Variants in PDS5A observed in about 807,000 individuals in gnomAD.
PDS5A encodes sister chromatid cohesion protein PDS5 homolog A.
In PDS5A, 42 loss-of-function variants were observed where a neutral mutation model predicts 167.1. The ratio of observed to expected loss-of-function variants is 0.25; its 90% confidence interval spans 0.20 to 0.33. The LOEUF is 0.33. PDS5A is among the 10% of genes least tolerant of loss of function. The probability of loss-of-function intolerance (pLI) is 1.00; values close to 1 mark genes in which losing one functional copy is unlikely to be tolerated. For synonymous variants in PDS5A, 553 were observed against 554.6 expected, an observed-to-expected ratio of 1.00 and a Z score of 0.04; for missense variants, 1,033 against 1,605.9, an observed-to-expected ratio of 0.64 and a Z score of 6.10.
In PDS5A at chr4:39,907,590, CT is replaced by C. The variant is rs71194936; in HGVS notation, c.1233+804del. On this transcript the variant is annotated intron_variant, in intron 11 of 32. Coordinates refer to ENST00000303538, the MANE Select transcript of PDS5A (RefSeq NM_001100399.2). ...AACAATCCATGTTTTCTTTTCTTTTCTTTTTTTTTTTTTTGAGACAGAGTCT... is the reference window on the plus strand; with the variant it reads ...AACAATCCATGTTTTCTTTTCTTTTCTTTTTTTTTTTTTGAGACAGAGTCT... 3.5e-3 allele frequency among the ~76,000 whole-genome samples: 493 copies of C among 141,692 alleles called. 1 individual carries two copies. Among genetic ancestry groups the C allele is most frequent in the African/African-American group, 5.9e-3 (228 of 38,856 alleles). 93.0% of individuals were successfully genotyped at this position (141,692 alleles called of 152,430 possible). A position where few individuals can be genotyped will look rare whatever the true frequency, so the allele number is the denominator to read the frequency against.
At chr4:39,912,953 T>C (rs748133798) in intron 9 of PDS5A, among the ~76,000 whole-genome samples, 1 of 152,294 alleles carries the variant, frequency 6.6e-6, no homozygotes, top group South Asian at 2.1e-4. Flanking sequence ...CGACAAGCAC[T>C]AGTAAATGAA....
intron 21 of PDS5A, 95 bp downstream of exon 21, chr4:39,872,891 A>T: frequency 3.2e-6 from 2 of 622,474 alleles, no homozygotes; most frequent in South Asian, 5.7e-5. Flanking sequence ...ATTTAAAAGA[A>T]AAAGAGAATT....
intron 9 of PDS5A, among the ~76,000 whole-genome samples, chr4:39,913,012 A>G (rs1195441196): frequency 2.0e-5 from 3 of 152,192 alleles, no homozygotes; most frequent in South Asian, 2.1e-4. Context: ...TTGGATCAGT[A>G]TGTATTCAGT....
intron 17 of PDS5A, among the ~76,000 whole-genome samples, chr4:39,887,506 T>C (rs1721577167): frequency 6.6e-6 from 1 of 152,184 alleles, no homozygotes; most frequent in African/African-American, 2.4e-5. Context: ...TGAAAGCAGG[T>C]TGCTAGTATT....
chr4:39,844,535 T>C (rs1717404057), intron 30 of PDS5A, 121 bp downstream of exon 30: 3 of 661,870 alleles, frequency 4.5e-6, no homozygotes, highest in Middle Eastern at 3.0e-4. Context: ...AATTCATCAA[T>C]ATTATTTTGT....
At chr4:39,965,137 A>C (rs542023079) in intron 2 of PDS5A, among the ~76,000 whole-genome samples, 1 of 152,186 alleles carries the variant, frequency 6.6e-6, no homozygotes, top group East Asian at 1.9e-4. Flanking sequence ...TCTTTTAACC[A>C]ATAGAGTAAG....
chr4:39,911,639 T>C (rs778881348), intron 9 of PDS5A, among the ~76,000 whole-genome samples: 45 of 152,144 alleles, frequency 3.0e-4, no homozygotes, highest in Non-Finnish European at 1.0e-4. Flanking sequence ...AAGACCATCC[T>C]GGCTAACACG....
At chr4:39,930,909 A>C (rs562157838) in intron 2 of PDS5A, among the ~76,000 whole-genome samples, 30 of 152,244 alleles carry the variant, frequency 2.0e-4, no homozygotes, top group Non-Finnish European at 3.8e-4. Flanking sequence ...GGAAATTTAT[A>C]ATCTTAAATG....
intron 8 of PDS5A, among the ~76,000 whole-genome samples, chr4:39,916,091 G>A (rs1724346345): frequency 6.6e-6 from 1 of 151,960 alleles, no homozygotes; most frequent in African/African-American, 2.4e-5. Flanking sequence ...GCAAAAAATT[G>A]CCAGGCATGG....
At chr4:39,867,407 T>C (rs1203215066) in intron 22 of PDS5A, among the ~76,000 whole-genome samples, 3 of 152,002 alleles carry the variant, frequency 2.0e-5, no homozygotes, top group Admixed American at 2.0e-4. Context: ...ATTTAAACTA[T>C]ACAGGCCGGG....
chr4:39,886,531 T>A (rs1231651441), intron 17 of PDS5A, among the ~76,000 whole-genome samples: 4 of 151,972 alleles, frequency 2.6e-5, no homozygotes, highest in Admixed American at 2.6e-4. Context: ...CCGACCAACA[T>A]GGAGAAACCC....
Position 39,824,423 on chromosome 4 carries a change from T to C in PDS5A, c.*1062A>G, listed in dbSNP as rs189762582. 1 of 152,324 alleles carries C rather than the reference T, an allele frequency of 6.6e-6. No homozygotes were observed. The highest frequency in any genetic ancestry group is 2.4e-5 in the African/African-American group (1 of 41,534). 9.4% of individuals were successfully genotyped at this position (152,324 alleles called of 1,614,324 possible). ...GAACAATGCCAAGAAACATAATATA[T>C]TGATGCAACAGTTTTCTAAAATAAA... is the stretch of plus-strand genomic sequence containing the variant. On this transcript the variant is annotated 3_prime_UTR_variant, in exon 33 of 33. Coordinates refer to ENST00000303538, the MANE Select transcript of PDS5A (RefSeq NM_001100399.2).
chr4:39,886,824 G>C (rs1054327930), intron 17 of PDS5A, among the ~76,000 whole-genome samples: 2 of 150,946 alleles, frequency 1.3e-5, no homozygotes, highest in African/African-American at 4.9e-5. Context: ...AGTATTTCTT[G>C]TAATAGATCT....
rs567343458 is a variant in PDS5A, at chr4:39,925,101, G to A, written c.527+735C>T. Among the ~76,000 whole-genome samples, 5 of 152,018 alleles carry A rather than the reference G, an allele frequency of 3.3e-5. No homozygotes were observed. The East Asian group carries it at 5.8e-4, about 18-fold the overall frequency. On this transcript the variant is annotated intron_variant, in intron 5 of 32. Transcript: ENST00000303538. Reference sequence around the variant, plus strand: ...CACTCCAGTATGGGTGACAGAGCAAGACACTGTCTCAAAAAAAACAAAACA... The same window carrying A: ...CACTCCAGTATGGGTGACAGAGCAAAACACTGTCTCAAAAAAAACAAAACA...
chr4:39,882,407 A>G (rs932144154), intron 17 of PDS5A, among the ~76,000 whole-genome samples: 14 of 152,138 alleles, frequency 9.2e-5, no homozygotes, highest in African/African-American at 2.4e-4. Flanking sequence ...TGCCTATCCT[A>G]TATGTTTTCT....
chr4:39,906,359 C>A (rs1723342181), intron 11 of PDS5A, among the ~76,000 whole-genome samples: 1 of 151,710 alleles, frequency 6.6e-6, no homozygotes, highest in South Asian at 2.1e-4. Context: ...CAAAGTGAGA[C>A]CCTGTCTCAA....
At chr4:39,874,055 A>G (rs150951225) in intron 20 of PDS5A, among the ~76,000 whole-genome samples, 56 of 152,282 alleles carry the variant, frequency 3.7e-4, no homozygotes, top group African/African-American at 1.3e-3. Context: ...AAAACAAACT[A>G]AAAAACAAAA....
chr4:39,960,867 T>C (rs1729416296), intron 2 of PDS5A, among the ~76,000 whole-genome samples: 1 of 152,132 alleles, frequency 6.6e-6, no homozygotes, highest in African/African-American at 2.4e-5. Flanking sequence ...TTTTTGTATT[T>C]TTAGTAGAGA....
chr4:39,930,520 C>G (rs1476731987), intron 2 of PDS5A, among the ~76,000 whole-genome samples: 1 of 151,810 alleles, frequency 6.6e-6, no homozygotes, highest in African/African-American at 2.4e-5. Context: ...CTATTTTAGT[C>G]CAAGTTTGCA....
Sources: gnomAD v4.1 joint callset for allele counts (sites outside exome capture counted in the v4.1 genomes callset) on GRCh38, gnomAD v4.1.1 for gene constraint, MANE v1.5 for transcripts, NCBI Gene and HGNC (gene_info 2026-07-23, HGNC 2026-07-21) for gene names.